The following CACNB4 variants were observed in gnomAD, a reference collection of about 807,000 sequenced individuals.
CACNB4 encodes the protein calcium voltage-gated channel auxiliary subunit beta 4.
In CACNB4, 32 loss-of-function variants were observed where a neutral mutation model predicts 71.2. The ratio of observed to expected loss-of-function variants is 0.45; its 90% CI spans 0.34 to 0.60. The LOEUF is 0.60. Ranked by LOEUF, CACNB4 falls within the 20% of genes least tolerant of loss-of-function variation. The pLI, the probability that CACNB4 is intolerant of heterozygous loss-of-function variation, is 0.01. For synonymous variants in CACNB4, 231 were observed against 236.9 expected (o/e 0.97, Z 0.23); for missense variants, 464 against 647.9 (o/e 0.72, Z 3.08).
intron 2 of CACNB4, among the ~76,000 whole-genome samples, chr2:151,961,635 A>T (rs2099869671): frequency 6.6e-6 from 1 of 152,178 alleles, no homozygotes; most frequent in African/African-American, 2.4e-5. Context: ...TTATGGCTGT[A>T]ATCTTAGCAC....
At chr2:151,910,454 T>C (rs935467441) in intron 2 of CACNB4, among the ~76,000 whole-genome samples, 10 of 152,220 alleles carry the variant, frequency 6.6e-5, no homozygotes, top group Admixed American at 2.0e-4. Flanking sequence ...TTTATGTCTT[T>C]AATCCATCTT....
At chr2:152,061,609 A>G (rs943684196) in intron 2 of CACNB4, among the ~76,000 whole-genome samples, 26 of 151,534 alleles carry the variant, frequency 1.7e-4, no homozygotes, top group Non-Finnish European at 2.6e-4. Context: ...CAAAAATCCA[A>G]ATCTAGCCAC....
chr2:151,947,484 G>C (rs1335694914), intron 2 of CACNB4, among the ~76,000 whole-genome samples: 1 of 152,122 alleles, frequency 6.6e-6, no homozygotes, highest in Non-Finnish European at 1.5e-5. Context: ...GTGGCCTGTG[G>C]ACCACACTTT....
intron 2 of CACNB4, among the ~76,000 whole-genome samples, chr2:151,889,353 C>G (rs1337764558): frequency 6.6e-6 from 1 of 151,428 alleles, no homozygotes; most frequent in Non-Finnish European, 1.5e-5. Flanking sequence ...GTAATCTCAG[C>G]TACTTGGGAA....
At chr2:152,001,150 A>G (rs1035745326) in intron 2 of CACNB4, among the ~76,000 whole-genome samples, 16 of 152,212 alleles carry the variant, frequency 1.1e-4, no homozygotes, top group Admixed American at 9.8e-4. Context: ...AGTAGCAGTC[A>G]GGATTCAAAC....
At position 151,883,496 on chromosome 2, in the gene CACNB4, T is replaced by C. The variant is rs554893039; in HGVS notation, c.148-126A>G. On this transcript the variant is annotated intron_variant, in intron 2 of 13. Coordinates refer to ENST00000539935, the MANE Select transcript of CACNB4 (RefSeq NM_000726.5). ...TTTGATGCACACACTCCATGCCTTA[T>C]TGCAGATATAAATTTAGATGGCAGA... is the stretch of plus-strand genomic sequence containing the variant. 6.0e-6 allele frequency: 5 copies of C among 830,924 alleles called. No individual in the cohort carries two copies. In the Admixed American group the frequency reaches 1.0e-4, roughly 17 times the overall value. The allele number at this position is 830,924 out of a possible 1,614,324, so 51.5% of individuals were successfully genotyped here. A position where few individuals can be genotyped will look rare whatever the true frequency, so the allele number is the denominator to read the frequency against.
intron 2 of CACNB4, among the ~76,000 whole-genome samples, chr2:151,941,890 A>T (rs1264536441): frequency 1.3e-5 from 2 of 152,166 alleles, no homozygotes; most frequent in South Asian, 4.1e-4. Context: ...GGAAGATAAT[A>T]CTATGATTGT....
At chr2:151,944,379 C>T (rs1182431147) in intron 2 of CACNB4, among the ~76,000 whole-genome samples, 1 of 151,924 alleles carries the variant, frequency 6.6e-6, no homozygotes, top group Non-Finnish European at 1.5e-5. Context: ...GTGCTGAGCT[C>T]CTATGATGAG....
intron 2 of CACNB4, among the ~76,000 whole-genome samples, chr2:152,067,069 C>T (rs1196798133): frequency 6.7e-6 from 1 of 150,194 alleles, no homozygotes; most frequent in Non-Finnish European, 1.5e-5. Context: ...GGGTGCAGCG[C>T]ACCAGCATGG....
intron 2 of CACNB4, among the ~76,000 whole-genome samples, chr2:152,017,896 G>A (rs1388073567): frequency 6.6e-6 from 1 of 151,026 alleles, no homozygotes; most frequent in East Asian, 2.0e-4. Context: ...GCAATGGCAT[G>A]GTCTTGGCTC....
At chr2:151,848,192 G>C (rs2099838105) in intron 12 of CACNB4, among the ~76,000 whole-genome samples, 1 of 152,206 alleles carries the variant, frequency 6.6e-6, no homozygotes, top group Non-Finnish European at 1.5e-5. Flanking sequence ...CATAGCATTG[G>C]TGGGAATGAA....
chr2:151,889,759 C>G (rs576223230), intron 2 of CACNB4, among the ~76,000 whole-genome samples: 1 of 152,302 alleles, frequency 6.6e-6, no homozygotes, highest in Non-Finnish European at 1.5e-5. Flanking sequence ...TCCTTCACCC[C>G]CTTTATCAAA....
chr2:152,098,684 C>T lies in CACNB4; in HGVS notation c.63+265G>A, dbSNP rs1370496258. ...CTCTCAGGGTGCGGGGTCCGAGTCC[C>T]CGGCATCCGCTGGGGGAGGCTGCGG... On this transcript the variant is annotated intron_variant, in intron 1 of 13. Coordinates refer to ENST00000539935, the MANE Select transcript of CACNB4 (RefSeq NM_000726.5). This position sits in a 1 kb window ranked among gnomAD's most constrained non-coding sequence, Gnocchi z 5.3. The T allele has an allele frequency of 6.4e-7, 1 of 1,566,264 alleles. No homozygotes were observed. Among genetic ancestry groups the T allele is most frequent in the Non-Finnish European group, 8.7e-7 (1 of 1,155,630 alleles).
At chr2:151,994,454 C>A (rs1457503898) in intron 2 of CACNB4, among the ~76,000 whole-genome samples, 13 of 151,894 alleles carry the variant, frequency 8.6e-5, no homozygotes. Context: ...GATCTGCCCA[C>A]CTTGGCCTCC....
chr2:151,990,419 TC>T (rs1681639036), intron 2 of CACNB4, among the ~76,000 whole-genome samples: 1 of 152,104 alleles, frequency 6.6e-6, no homozygotes, highest in South Asian at 2.1e-4. Flanking sequence ...CACAACCCTC[TC>T]CAGTTAGAGA....
chr2:151,877,465 A>G (rs1026406337), intron 4 of CACNB4, among the ~76,000 whole-genome samples: 1 of 152,216 alleles, frequency 6.6e-6, no homozygotes, highest in Non-Finnish European at 1.5e-5. Flanking sequence ...CTTAAAGAAC[A>G]TATTTTATAA....
At chr2:152,019,884 G>A (rs988823278) in intron 2 of CACNB4, among the ~76,000 whole-genome samples, 4 of 152,200 alleles carry the variant, frequency 2.6e-5, no homozygotes, top group African/African-American at 4.8e-5. Context: ...ACTGTGCAGT[G>A]GGTATATGGG....
intron 2 of CACNB4, among the ~76,000 whole-genome samples, chr2:151,965,252 T>G (rs919891053): frequency 4.6e-5 from 7 of 152,252 alleles, no homozygotes; most frequent in Admixed American, 3.9e-4. Context: ...CCTCCAGCCC[T>G]TACTTCATGC....
intron 3 of CACNB4, among the ~76,000 whole-genome samples, chr2:151,881,661 C>T (rs749475728): frequency 5.3e-5 from 8 of 152,208 alleles, no homozygotes; most frequent in Non-Finnish European, 1.2e-4. Context: ...AAATTAGCCA[C>T]AGTGAGACAC....
Sources: allele counts gnomAD v4.1 joint callset (sites outside exome capture counted in the v4.1 genomes callset), GRCh38; gene constraint gnomAD v4.1.1; non-coding constraint Gnocchi (gnomAD v3.1); transcripts MANE v1.5; gene names NCBI Gene and HGNC (gene_info 2026-07-23, HGNC 2026-07-21).